The following KCNG2 variants were observed in gnomAD, a reference collection of about 807,000 sequenced individuals.
The protein encoded by KCNG2 is potassium voltage-gated channel modifier subfamily G member 2.
In KCNG2, 7 loss-of-function variants were observed where a neutral mutation model predicts 12.3. The ratio of observed to expected loss-of-function variants is 0.57; its 90% CI spans 0.32 to 1.07. The LOEUF (loss-of-function observed/expected upper bound fraction) is 1.07, where lower values mean the gene tolerates loss of function less well. Ranked by LOEUF, KCNG2 falls within the 50% of genes least tolerant of loss-of-function variation. The pLI, the probability that KCNG2 is intolerant of heterozygous loss-of-function variation, is 0.04. For missense variants in KCNG2, 703 were observed against 726.0 expected, an observed-to-expected ratio of 0.97 and a Z score of 0.36; for synonymous variants, 414 against 351.4, an observed-to-expected ratio of 1.18 and a Z score of -1.99.
chr18:79,811,030 G>C (rs1474809580), intron 1 of KCNG2, among the ~76,000 whole-genome samples: 2 of 152,158 alleles, frequency 1.3e-5, no homozygotes, highest in African/African-American at 4.8e-5. Context: ...TAACCAAAGA[G>C]GTGTAAGACT....
chr18:79,839,640 A>G (rs1978402156), intron 1 of KCNG2, among the ~76,000 whole-genome samples: 1 of 152,232 alleles, frequency 6.6e-6, no homozygotes, highest in African/African-American at 2.4e-5. Context: ...CTAAACAACT[A>G]AACCTCTGAG....
intron 1 of KCNG2, among the ~76,000 whole-genome samples, chr18:79,807,400 A>G (rs995600959): frequency 6.6e-6 from 1 of 152,026 alleles, no homozygotes; most frequent in African/African-American, 2.4e-5. Flanking sequence ...CTCTACCGTA[A>G]ACACCCGAGC....
intron 2 of KCNG2, among the ~76,000 whole-genome samples, chr18:79,860,888 C>T (rs548302978): frequency 3.3e-5 from 5 of 152,208 alleles, no homozygotes; most frequent in South Asian, 2.1e-4. Context: ...CAGTCTTGTT[C>T]CTGGTCTTAG....
intron 3 of KCNG2, among the ~76,000 whole-genome samples, chr18:79,893,196 G>A (rs1378333288): frequency 6.6e-6 from 1 of 151,622 alleles, no homozygotes; most frequent in African/African-American, 2.4e-5. Flanking sequence ...CTTTTGATTG[G>A]GTTCTTCACT....
intron 3 of KCNG2, among the ~76,000 whole-genome samples, chr18:79,892,761 T>C (rs1188379889): frequency 6.6e-6 from 1 of 151,832 alleles, no homozygotes; most frequent in South Asian, 2.1e-4. Context: ...GGTTGTTCAC[T>C]CCATTCAAAA....
intron 1 of KCNG2, among the ~76,000 whole-genome samples, chr18:79,839,387 A>T (rs1219911532): frequency 1.3e-5 from 2 of 152,318 alleles, no homozygotes; most frequent in Middle Eastern, 3.4e-3. Flanking sequence ...AAAATAGAGG[A>T]CATAACTGCA....
At chr18:79,898,406 GGCCA>G (rs1981055010) in intron 3 of KCNG2, among the ~76,000 whole-genome samples, 1 of 152,218 alleles carries the variant, frequency 6.6e-6, no homozygotes, top group Admixed American at 6.5e-5. Flanking sequence ...CCACACCCAA[GGCCA>G]GCCTCCCACC....
chr18:79,836,660 G>A (rs1978328235), intron 1 of KCNG2, among the ~76,000 whole-genome samples: 2 of 152,166 alleles, frequency 1.3e-5, no homozygotes, highest in South Asian at 4.1e-4. Context: ...ATGGCGAGAG[G>A]TAAAGGAGAA....
chr18:79,881,162 T>G (rs1402197126), intron 3 of KCNG2, among the ~76,000 whole-genome samples: 1 of 152,180 alleles, frequency 6.6e-6, no homozygotes, highest in Non-Finnish European at 1.5e-5. Flanking sequence ...TAGAACTGCA[T>G]ATGTAGAAAC....
At chr18:79,849,263 C>T (rs929434966) in intron 1 of KCNG2, among the ~76,000 whole-genome samples, 2 of 152,184 alleles carry the variant, frequency 1.3e-5, no homozygotes, top group Non-Finnish European at 2.9e-5. Flanking sequence ...TTCCTTTATT[C>T]GGAATTCTAA....
intron 1 of KCNG2, among the ~76,000 whole-genome samples, chr18:79,842,731 C>A (rs910188688): frequency 8.5e-5 from 13 of 152,102 alleles, no homozygotes; most frequent in African/African-American, 2.4e-4. Context: ...ATTGAAAAAT[C>A]CATAGAGATT....
intron 1 of KCNG2, among the ~76,000 whole-genome samples, chr18:79,845,227 C>T (rs748201495): frequency 2.6e-5 from 4 of 152,176 alleles, no homozygotes; most frequent in African/African-American, 4.8e-5. Context: ...AATATTATGA[C>T]GATGAAGAAC....
chr18:79,889,428 GTTTC>G (rs1291372417), intron 3 of KCNG2, among the ~76,000 whole-genome samples: 70 of 152,290 alleles, frequency 4.6e-4, no homozygotes, highest in African/African-American at 1.6e-3. Context: ...AAAATTTAGA[GTTTC>G]TTTCAACAGT....
In KCNG2 at chr18:79,822,197, A is replaced by G. The variant is rs933992607; in HGVS notation, c.-115+24183A>G. On this transcript the variant is annotated intron_variant, in intron 1 of 3. Coordinates refer to ENST00000316249, the MANE Select transcript of KCNG2 (RefSeq NM_012283.2). This position sits in a 1 kb window ranked among gnomAD's most constrained non-coding sequence, Gnocchi z 4.4. ...ATTTTTAGACTTATAGGAAAGTTGC[A>G]GATTCATAGAGGTTCCCATGTCTCC... is the stretch of plus-strand genomic sequence containing the variant. Among the ~76,000 whole-genome samples the G allele has an allele frequency of 2.0e-5, 3 of 152,174 alleles. No homozygotes were observed. Among genetic ancestry groups the G allele is most frequent in the African/African-American group, 2.4e-5 (1 of 41,440 alleles).
At chr18:79,821,138 A>T (rs1166255669) in intron 1 of KCNG2, among the ~76,000 whole-genome samples, 1 of 152,056 alleles carries the variant, frequency 6.6e-6, no homozygotes, top group Non-Finnish European at 1.5e-5. Flanking sequence ...AGCTCAGTTG[A>T]TCTATTTTTA....
chr18:79,801,485 G>A (rs537058109), intron 1 of KCNG2, among the ~76,000 whole-genome samples: 7 of 152,338 alleles, frequency 4.6e-5, no homozygotes, highest in South Asian at 2.1e-4. Context: ...ACCCAGGCCC[G>A]GCAAGGAGGG....
At chr18:79,887,511 G>T (rs1319615148) in intron 3 of KCNG2, among the ~76,000 whole-genome samples, 1 of 152,138 alleles carries the variant, frequency 6.6e-6, no homozygotes, top group Admixed American at 6.5e-5. Context: ...AGAGACAGAC[G>T]TGGGAGGGAG....
chr18:79,868,592 CG>C (rs1268852355), intron 3 of KCNG2, among the ~76,000 whole-genome samples: 13 of 152,346 alleles, frequency 8.5e-5, no homozygotes, highest in Admixed American at 2.6e-4. Context: ...GTGTTGGTGA[CG>C]TAACAAAACC....
Position 79,810,338 on chromosome 18 carries a change from G to A in KCNG2, c.-115+12324G>A, listed in dbSNP as rs1205482002. ...TCAGTGGGGAGGGGGGAAGCACCAC[G>A]CCTAGTCCCGGAGGGGGTTTGCTGG... On this transcript the variant is annotated intron_variant, in intron 1 of 3. Transcript: ENST00000316249. 3.3e-5 allele frequency among the ~76,000 whole-genome samples: 5 copies of A among 152,310 alleles called. No homozygotes were observed. In the East Asian group the frequency reaches 5.8e-4, roughly 18 times the overall value.
Sources: gnomAD v4.1 joint callset for allele counts (sites outside exome capture counted in the v4.1 genomes callset) on GRCh38, gnomAD v4.1.1 for gene constraint, Gnocchi (gnomAD v3.1) non-coding constraint, MANE v1.5 for transcripts, NCBI Gene and HGNC (gene_info 2026-07-23, HGNC 2026-07-21) for gene names.